Variants in ZFAT observed in about 807,000 individuals in gnomAD.
ZFAT encodes zinc finger protein ZFAT.
In ZFAT, 64 loss-of-function variants were observed where a neutral mutation model predicts 117.7. The ratio of observed to expected loss-of-function variants is 0.54; its 90% CI spans 0.44 to 0.67. The LOEUF is 0.67. Among genes scored for constraint, ZFAT ranks in the 30% least tolerant of loss-of-function variants. ZFAT has a pLI of 0.00. For missense variants in ZFAT, 1,433 were observed against 1,584.5 expected (o/e 0.90, Z 1.62); for synonymous variants, 679 against 615.0 (o/e 1.10, Z -1.54).
chr8:134,657,381 A>AG (rs574271975), intron 2 of ZFAT, among the ~76,000 whole-genome samples, 180 bp downstream of exon 2: 233 of 152,276 alleles, frequency 1.5e-3, no homozygotes, highest in Middle Eastern at 3.4e-3. Context: ...GCCAACCTAC[A>AG]GGGGGCTAGG....
intron 2 of ZFAT, among the ~76,000 whole-genome samples, chr8:134,656,845 G>A (rs1252015582): frequency 1.3e-5 from 2 of 152,100 alleles, no homozygotes; most frequent in Non-Finnish European, 2.9e-5. Flanking sequence ...CTGTCTGTGG[G>A]GACCTAATTA....
chr8:134,728,399 C>T, the ZFAT span, among the ~76,000 whole-genome samples: 1 of 152,014 alleles, frequency 6.6e-6, no homozygotes, highest in Admixed American at 6.6e-5. Context: ...TGAGGCCCTG[C>T]TTTGTGCCCT....
chr8:134,680,589 G>C (rs776637102), intron 1 of ZFAT, among the ~76,000 whole-genome samples: 1 of 152,152 alleles, frequency 6.6e-6, no homozygotes, highest in Non-Finnish European at 1.5e-5. Context: ...CTTGACTGCA[G>C]GAGTAATGAC....
chr8:134,526,633 T>C (rs1821041766), intron 12 of ZFAT, among the ~76,000 whole-genome samples: 2 of 152,236 alleles, frequency 1.3e-5, no homozygotes, highest in African/African-American at 4.8e-5. Context: ...CATTAAAATA[T>C]CTCTGCTCCT....
At chr8:134,584,509 G>A (rs1825928041) in intron 9 of ZFAT, among the ~76,000 whole-genome samples, 1 of 152,190 alleles carries the variant, frequency 6.6e-6, no homozygotes, top group Non-Finnish European at 1.5e-5. Flanking sequence ...AAAACTCAAT[G>A]GGATCAGGCA....
intron 12 of ZFAT, 89 bp from the exon 13 acceptor site, chr8:134,521,090 CT>C: frequency 3.3e-6 from 3 of 901,412 alleles, no homozygotes; most frequent in Non-Finnish European, 5.1e-6. Flanking sequence ...TGCTTCAAAT[CT>C]AGTAAGTATT....
chr8:134,648,015 T>C (rs1831000357), intron 2 of ZFAT, among the ~76,000 whole-genome samples: 1 of 152,126 alleles, frequency 6.6e-6, no homozygotes, highest in Non-Finnish European at 1.5e-5. Flanking sequence ...TAAAATTTGC[T>C]AAGACATATC....
At chr8:134,771,636 T>C in the ZFAT span, among the ~76,000 whole-genome samples, 130 of 152,326 alleles carry the variant, frequency 8.5e-4, no homozygotes, top group African/African-American at 2.9e-3. Flanking sequence ...TTTCCCACAT[T>C]TTCCTGTCTT....
intron 1 of ZFAT, among the ~76,000 whole-genome samples, chr8:134,674,331 C>A (rs1351383134): frequency 6.6e-6 from 1 of 152,196 alleles, no homozygotes; most frequent in Non-Finnish European, 1.5e-5. Flanking sequence ...TAGAGCCTAG[C>A]AAGCTAAGAT....
intron 11 of ZFAT, chr8:134,564,993 CA>C (rs1211557255): frequency 5.3e-5 from 67 of 1,266,526 alleles, no homozygotes; most frequent in Non-Finnish European, 6.3e-5. Flanking sequence ...TCACCTGCAG[CA>C]ATCCAGGATC....
At chr8:134,525,023 T>C (rs928782163) in intron 12 of ZFAT, among the ~76,000 whole-genome samples, 1 of 152,222 alleles carries the variant, frequency 6.6e-6, no homozygotes, top group Non-Finnish European at 1.5e-5. Flanking sequence ...GAGGTCACAC[T>C]GGCAAAGTTA....
intron 12 of ZFAT, among the ~76,000 whole-genome samples, chr8:134,528,817 G>T (rs563807590): frequency 3.9e-5 from 6 of 152,278 alleles, no homozygotes; most frequent in Admixed American, 3.3e-4. Flanking sequence ...GCCCTGGTCC[G>T]CAACCTGGGC....
At chr8:134,595,669 T>A (rs1563648128) in intron 7 of ZFAT, among the ~76,000 whole-genome samples, 2 of 152,214 alleles carry the variant, frequency 1.3e-5, no homozygotes, top group East Asian at 1.9e-4. Context: ...CTTGACTAGG[T>A]CCCCATATTT....
the ZFAT span, among the ~76,000 whole-genome samples, chr8:134,733,931 G>A: frequency 0.42 from 64,064 of 152,014 alleles, 13,582 homozygotes; most frequent in Middle Eastern, 0.43. Context: ...GGTTTAATTC[G>A]AAGAAAATAA....
intron 12 of ZFAT, among the ~76,000 whole-genome samples, chr8:134,528,622 TC>T (rs1358580629): frequency 6.6e-6 from 1 of 152,238 alleles, no homozygotes; most frequent in Non-Finnish European, 1.5e-5. Flanking sequence ...CTAAGACGTC[TC>T]CTTGACACTT....
chr8:134,766,324 T>C, the ZFAT span: 1 of 152,250 alleles, frequency 6.6e-6, no homozygotes, highest in Non-Finnish European at 1.5e-5. Context: ...CATGAGCTCC[T>C]AATTGGATTT....
At chr8:134,479,522 T>C (rs1563754291) in intron 15 of ZFAT, among the ~76,000 whole-genome samples, 2 of 152,166 alleles carry the variant, frequency 1.3e-5, no homozygotes, top group African/African-American at 4.8e-5. Context: ...CTGTCTTTGA[T>C]CTTGAGATGA....
chr8:134,536,134 G>A (rs1586663026), intron 11 of ZFAT, among the ~76,000 whole-genome samples: 1 of 152,170 alleles, frequency 6.6e-6, no homozygotes, highest in Non-Finnish European at 1.5e-5. Context: ...TTGCCAAAAT[G>A]TAAGCATATT....
rs760488147 is a variant in ZFAT, at chr8:134,583,963, C to T, written c.2756G>A (p.Arg919His). ...FKCSLCEYAT[R>H]SKSNLKAHMN... Reference sequence around the variant, plus strand: ...ATGAGCCTTGAGGTTACTCTTGCTACGAGTTGCATACTCACACAAAGAACA... The same window carrying T: ...ATGAGCCTTGAGGTTACTCTTGCTATGAGTTGCATACTCACACAAAGAACA... Residue 919 changes from arginine (R) to histidine (H), a missense_variant, in exon 10 of 16, where the codon CGT becomes CAT. Around this residue, in one of 5 missense-constraint regions of ZFAT, gnomAD observed 503 missense variants for 543.4 expected, o/e 0.93. Coordinates refer to ENST00000377838, the MANE Select transcript of ZFAT (RefSeq NM_020863.4). The T allele has an allele frequency of 2.8e-5, 44 of 1,569,714 alleles. No homozygotes were observed. Among genetic ancestry groups the T allele is most frequent in the Non-Finnish European group, 3.6e-5 (42 of 1,156,004 alleles).
Sources: allele counts gnomAD v4.1 joint callset (sites outside exome capture counted in the v4.1 genomes callset), GRCh38; gene constraint gnomAD v4.1.1; regional missense constraint gnomAD v4.1.1; transcripts MANE v1.5; gene names NCBI Gene and HGNC (gene_info 2026-07-23, HGNC 2026-07-21).